The following NR3C2 variants were observed in gnomAD, a reference collection of about 807,000 sequenced individuals.
The protein encoded by NR3C2 is nuclear receptor subfamily 3 group C member 2.
Under a neutral mutation model 86.4 loss-of-function variants are expected in NR3C2, and 15 were observed. The ratio of observed to expected loss-of-function variants is 0.17; its 90% CI spans 0.12 to 0.27. The LOEUF (loss-of-function observed/expected upper bound fraction) is 0.27, where lower values mean the gene tolerates loss of function less well. Ranked by LOEUF, NR3C2 falls within the 10% of genes least tolerant of loss-of-function variation. The probability of loss-of-function intolerance (pLI) is 1.00; values close to 1 mark genes in which losing one functional copy is unlikely to be tolerated. For synonymous variants in NR3C2, 458 were observed against 450.5 expected (o/e 1.02, Z -0.21); for missense variants, 960 against 1,195.6 (o/e 0.80, Z 2.91).
chr4:148,212,041 C>G (rs1049215172), intron 3 of NR3C2, among the ~76,000 whole-genome samples: 4 of 152,142 alleles, frequency 2.6e-5, no homozygotes, highest in African/African-American at 7.2e-5. Flanking sequence ...TTCCCTAACC[C>G]TGGTCAGAAA....
chr4:148,389,564 T>C (rs1432861308), intron 2 of NR3C2, among the ~76,000 whole-genome samples: 2 of 152,166 alleles, frequency 1.3e-5, no homozygotes, highest in African/African-American at 2.4e-5. Context: ...ATTACTTTTA[T>C]GGAGTGAGAT....
intron 6 of NR3C2, among the ~76,000 whole-genome samples, chr4:148,121,750 CTT>C (rs1732512695): frequency 6.6e-6 from 1 of 152,198 alleles, no homozygotes; most frequent in Non-Finnish European, 1.5e-5. Context: ...CCTTCTGCAA[CTT>C]ATTTTTATTG....
intron 4 of NR3C2, among the ~76,000 whole-genome samples, chr4:148,159,164 C>T (rs533848187): frequency 1.3e-5 from 2 of 152,244 alleles, no homozygotes; most frequent in South Asian, 2.1e-4. Flanking sequence ...ATCTCTATAA[C>T]ATCATATCAC....
At chr4:148,444,922 C>T (rs1050929539), upstream of NR3C2, 5 of 984,916 alleles carry the variant, frequency 5.1e-6, no homozygotes, top group Admixed American at 3.1e-4. Flanking sequence ...CGCGCCCCCT[C>T]CCCGGGCCCT....
chr4:148,293,195 A>G (rs1741879010), intron 2 of NR3C2, among the ~76,000 whole-genome samples: 1 of 152,158 alleles, frequency 6.6e-6, no homozygotes, highest in Non-Finnish European at 1.5e-5. Context: ...ATATCAGAAC[A>G]CTGACCACAG....
intron 2 of NR3C2, among the ~76,000 whole-genome samples, chr4:148,293,822 T>C (rs905240801): frequency 5.9e-5 from 9 of 152,178 alleles, no homozygotes; most frequent in Admixed American, 5.9e-4. Context: ...CCAGAGGTAA[T>C]GGTTACAAAA....
rs77499733 is a variant in NR3C2, at chr4:148,225,372, T to C, written c.1898-30510A>G. Reference sequence around the variant, plus strand: ...TCTACCTCCTACCTATCAGAAAATATGAGTTAATGTTTGCTAATATAATTC... The same window carrying C: ...TCTACCTCCTACCTATCAGAAAATACGAGTTAATGTTTGCTAATATAATTC... On this transcript the variant is annotated intron_variant, in intron 3 of 8. Transcript: ENST00000358102. 1.7e-3 allele frequency among the ~76,000 whole-genome samples: 259 copies of C among 152,306 alleles called. 9 individuals are homozygous for C. In the East Asian group the frequency reaches 0.045, roughly 26 times the overall value.
chr4:148,407,797 T>C (rs1748495453), intron 2 of NR3C2, among the ~76,000 whole-genome samples: 1 of 152,200 alleles, frequency 6.6e-6, no homozygotes, highest in Non-Finnish European at 1.5e-5. Context: ...TACTGTAAAA[T>C]GGCACATATC....
chr4:148,128,879 C>A (rs966519951), intron 6 of NR3C2, among the ~76,000 whole-genome samples: 1 of 152,170 alleles, frequency 6.6e-6, no homozygotes, highest in Non-Finnish European at 1.5e-5. Flanking sequence ...CAAGAAATAG[C>A]CCTTTGCAGA....
Position 148,166,707 on chromosome 4 carries a change from A to C in NR3C2, c.2015-11806T>G, listed in dbSNP as rs544811154. ...GAAAATAAGCTTTTGGGGAAAGTTT[A>C]ACGTTAAAGGTTTTTTATTTTTCAT... On this transcript the variant is annotated intron_variant, in intron 4 of 8. Coordinates refer to ENST00000358102, the MANE Select transcript of NR3C2 (RefSeq NM_000901.5). 9.9e-5 allele frequency among the ~76,000 whole-genome samples: 15 copies of C among 152,102 alleles called. No homozygotes were observed. In the East Asian group the frequency reaches 2.7e-3, roughly 27 times the overall value.
intron 3 of NR3C2, among the ~76,000 whole-genome samples, chr4:148,204,853 C>A (rs1159300964): frequency 6.6e-6 from 1 of 152,188 alleles, no homozygotes; most frequent in Non-Finnish European, 1.5e-5. Flanking sequence ...TGATCCACCA[C>A]TTTTTGCCTG....
intron 2 of NR3C2, among the ~76,000 whole-genome samples, chr4:148,420,023 T>A (rs764481840): frequency 2.6e-5 from 4 of 152,104 alleles, no homozygotes; most frequent in African/African-American, 4.8e-5. Flanking sequence ...GTACATGGGG[T>A]TGGGTGAGAC....
intron 3 of NR3C2, among the ~76,000 whole-genome samples, chr4:148,249,071 A>G (rs544677658): frequency 6.6e-6 from 1 of 152,282 alleles, no homozygotes; most frequent in African/African-American, 2.4e-5. Flanking sequence ...GGAACCTACA[A>G]TGGTGCCGCC....
At chr4:148,304,894 C>G (rs1037759432) in intron 2 of NR3C2, among the ~76,000 whole-genome samples, 1 of 147,742 alleles carries the variant, frequency 6.8e-6, no homozygotes, top group Non-Finnish European at 1.5e-5. Context: ...TTGGCAGGAC[C>G]CTTTTTTTTT....
At chr4:148,282,453 C>G (rs1472651516) in intron 2 of NR3C2, among the ~76,000 whole-genome samples, 1 of 152,120 alleles carries the variant, frequency 6.6e-6, no homozygotes, top group Non-Finnish European at 1.5e-5. Flanking sequence ...AAGATAAATC[C>G]TACAGGCCAG....
chr4:148,089,042 G>A (rs962163438), intron 8 of NR3C2, among the ~76,000 whole-genome samples: 2 of 152,128 alleles, frequency 1.3e-5, no homozygotes, highest in African/African-American at 4.8e-5. Flanking sequence ...TAGTTTAATA[G>A]TCTGGTGAAC....
chr4:148,193,163 T>G (rs1374252673), intron 4 of NR3C2, among the ~76,000 whole-genome samples: 1 of 152,210 alleles, frequency 6.6e-6, no homozygotes, highest in African/African-American at 2.4e-5. Context: ...TGCTGCTGCT[T>G]CTTCTACCCT....
In NR3C2 at chr4:148,080,826, G is replaced by GA. The variant is rs1730511596; in HGVS notation, c.*517_*518insT. On this transcript the variant is annotated 3_prime_UTR_variant, in exon 9 of 9. Transcript: ENST00000358102. ...GGCTCAGAGGCAGCTGCTGCCCCAC[G>GA]CCACGAGTTCTGTTATTACACAACA... 2.4e-6 allele frequency: 1 copy of GA among 424,994 alleles called. No individual in the cohort carries two copies. The highest frequency in any genetic ancestry group is 4.8e-6 in the Non-Finnish European group (1 of 206,760). The allele number at this position is 424,994 out of a possible 1,614,324, so 26.3% of individuals were successfully genotyped here. A position where few individuals can be genotyped will look rare whatever the true frequency, so the allele number is the denominator to read the frequency against.
chr4:148,435,572 T>G lies in NR3C2; in HGVS notation c.1289A>C (p.Glu430Ala), dbSNP rs971716617. Residue 430 changes from glutamate to alanine, a missense_variant, in exon 2 of 9, where the codon GAA becomes GCA. Glu to Ala is a moderately radical substitution (Grantham distance 107, BLOSUM62 -1). Around this residue, in one of 4 missense-constraint regions of NR3C2, gnomAD observed 680 missense variants for 719.0 expected, o/e 0.95. Coordinates refer to ENST00000358102, the MANE Select transcript of NR3C2 (RefSeq NM_000901.5). ...DSSFSVPIKQESTKHSCSGTS... is the reference protein window; with the variant it reads ...DSSFSVPIKQASTKHSCSGTS... ...GCCTGAACATGAATGCTTGGTTGAT[T>G]CTTGCTTTATTGGTACTGAGAATGA... is the stretch of plus-strand genomic sequence containing the variant. 3.1e-6 allele frequency: 5 copies of G among 1,614,022 alleles called. No individual in the cohort carries two copies. In the African/African-American group the frequency reaches 6.7e-5, roughly 22 times the overall value.
Sources: allele counts gnomAD v4.1 joint callset (sites outside exome capture counted in the v4.1 genomes callset), GRCh38; gene constraint gnomAD v4.1.1; regional missense constraint gnomAD v4.1.1; transcripts MANE v1.5; gene names NCBI Gene and HGNC (gene_info 2026-07-23, HGNC 2026-07-21).